Variants in PARP12 observed in about 807,000 individuals in gnomAD.
PARP12 encodes the protein protein mono-ADP-ribosyltransferase PARP12.
PARP12 carries 59 observed loss-of-function variants against 72.4 expected under a neutral mutation model. The observed-to-expected ratio is 0.81, with a 90% confidence interval of 0.66 to 1.01. The LOEUF is 1.01. Among genes scored for constraint, PARP12 ranks in the 50% least tolerant of loss-of-function variants. PARP12 has a pLI of 0.00. For missense variants in PARP12, 851 were observed against 914.0 expected, an observed-to-expected ratio of 0.93 and a Z score of 0.89; for synonymous variants, 403 against 371.4, an observed-to-expected ratio of 1.09 and a Z score of -0.98.
rs375158280 is a variant in PARP12 at position 140,054,747 on chromosome 7, T to C, written c.777A>G (p.Ser259=). Residue 259 remains serine, a synonymous_variant, in exon 4 of 12, where the codon TCA becomes TCG. Coordinates refer to ENST00000263549, the MANE Select transcript of PARP12 (RefSeq NM_022750.4). ...TAAGAGTGTTTGGGGACACAGAACCTGAACTGTCTTTTCTTTCTGCAAAGA... is the reference window on the plus strand; with the variant it reads ...TAAGAGTGTTTGGGGACACAGAACCCGAACTGTCTTTTCTTTCTGCAAAGA... ...PQGTSERKDS[S]GSVSPNTLSQ... 2.5e-6 allele frequency: 4 copies of C among 1,613,322 alleles called. No individual in the cohort carries two copies. The highest frequency in any genetic ancestry group is 2.5e-6 in the Non-Finnish European group (3 of 1,179,204).
rs555315789 is a variant in PARP12 at position 140,062,477 on chromosome 7, C to G, written c.326+45G>C. 6,710 of 1,495,188 alleles carry G rather than the reference C, an allele frequency of 4.5e-3. 263 individuals carry two copies. The African/African-American group carries it at 0.084, about 19-fold the overall frequency. The allele number at this position is 1,495,188 out of a possible 1,614,324, so 92.6% of individuals were successfully genotyped here. On this transcript the variant is annotated intron_variant, in intron 1 of 11. Transcript: ENST00000263549. Reference sequence around the variant, plus strand: ...CAAGCGGGCTGGAAGTGCGTGAGGGCGCGCAGGACCTCCGCCCGCCGTCGC... The same window carrying G: ...CAAGCGGGCTGGAAGTGCGTGAGGGGGCGCAGGACCTCCGCCCGCCGTCGC...
At position 140,054,529 on chromosome 7, in the gene PARP12, G is replaced by A. The variant is rs1320733089; in HGVS notation, c.862+133C>T. The A allele has an allele frequency of 1.2e-5, 8 of 678,576 alleles. No homozygotes were observed. In the South Asian group the frequency reaches 1.5e-4, roughly 12 times the overall value. 42.0% of individuals were successfully genotyped at this position (678,576 alleles called of 1,614,324 possible). Reference sequence around the variant, plus strand: ...ACAAAATACCTTCAGAATTGGTTTGGCCAAAGTGCCAAGCCCTGATCCTCT... The same window carrying A: ...ACAAAATACCTTCAGAATTGGTTTGACCAAAGTGCCAAGCCCTGATCCTCT... On this transcript the variant is annotated intron_variant, in intron 4 of 11. Transcript: ENST00000263549.
chr7:140,059,417 T>A (rs1817351535), intron 1 of PARP12, among the ~76,000 whole-genome samples: 1 of 151,294 alleles, frequency 6.6e-6, no homozygotes, highest in East Asian at 1.9e-4. Context: ...TTTTTTTTGC[T>A]CTCTTCCTCC....
At chr7:140,025,546 T>C in intron 11 of PARP12, 1 of 455,534 alleles carries the variant, frequency 2.2e-6, no homozygotes. Context: ...TCTTGGGATG[T>C]GTTAAAGGGT....
At chr7:140,038,517 T>C (rs1036450833) in intron 6 of PARP12, among the ~76,000 whole-genome samples, 1 of 152,120 alleles carries the variant, frequency 6.6e-6, no homozygotes, top group South Asian at 2.1e-4. Context: ...ACTTAGGCCA[T>C]ATTCATCCCT....
intron 1 of PARP12, among the ~76,000 whole-genome samples, chr7:140,061,895 G>A (rs1479324380): frequency 6.6e-6 from 1 of 150,406 alleles, no homozygotes; most frequent in Non-Finnish European, 1.5e-5. Flanking sequence ...GAGGCCTGAA[G>A]GATTAACAAA....
At chr7:140,032,740 T>C (rs1815988421) in intron 8 of PARP12, among the ~76,000 whole-genome samples, 1 of 152,188 alleles carries the variant, frequency 6.6e-6, no homozygotes, top group Non-Finnish European at 1.5e-5. Flanking sequence ...TGTTCCCTTT[T>C]GTGCAAGAAG....
chr7:140,031,765 G>A (rs983614016), intron 8 of PARP12, among the ~76,000 whole-genome samples: 8 of 152,188 alleles, frequency 5.3e-5, no homozygotes, highest in Non-Finnish European at 1.0e-4. Flanking sequence ...AGAAAGCAGA[G>A]AGACTTTTCC....
Position 140,024,775 on chromosome 7 carries a change from T to C in PARP12, c.1891A>G (p.Asn631Asp). ...GCCGGCGGACGGACAAAGGAGGCAT[T>C]GCCCCTGACGAACTCGCCCACCAGC... is the stretch of plus-strand genomic sequence containing the variant. Reference protein sequence around the residue: ...RVLVGEFVRGNASFVRPPAKE... With the variant: ...RVLVGEFVRGDASFVRPPAKE... The change falls in exon 12 of 12, where the codon AAT becomes GAT. Residue 631 changes from asparagine to aspartate, a missense_variant. Coordinates refer to ENST00000263549, the MANE Select transcript of PARP12 (RefSeq NM_022750.4). 6.2e-7 allele frequency: 1 copy of C among 1,614,170 alleles called. No homozygotes were observed. The highest frequency in any genetic ancestry group is 1.1e-5 in the South Asian group (1 of 91,076).
intron 5 of PARP12, among the ~76,000 whole-genome samples, chr7:140,042,351 G>A (rs962204757): frequency 2.0e-5 from 3 of 152,244 alleles, no homozygotes; most frequent in Non-Finnish European, 4.4e-5. Context: ...CAGCGGGCGA[G>A]CTGGGCTTTC....
At chr7:140,060,854 G>C (rs1817415445) in intron 1 of PARP12, among the ~76,000 whole-genome samples, 1 of 152,120 alleles carries the variant, frequency 6.6e-6, no homozygotes, top group African/African-American at 2.4e-5. Context: ...TCCTGGGGCT[G>C]CAACTACAAC....
chr7:140,041,198 C>T (rs957373997), intron 6 of PARP12, among the ~76,000 whole-genome samples: 1 of 152,208 alleles, frequency 6.6e-6, no homozygotes, highest in East Asian at 1.9e-4. Flanking sequence ...TGATATAAAT[C>T]AATTTTCTTA....
At position 140,051,059 on chromosome 7, in the gene PARP12, G is replaced by A. The variant is rs552967420; in HGVS notation, c.862+3603C>T. Among the ~76,000 whole-genome samples, 8 of 152,236 alleles carry A rather than the reference G, an allele frequency of 5.3e-5. No homozygotes were observed. In the South Asian group the frequency reaches 1.7e-3, roughly 32 times the overall value. On this transcript the variant is annotated intron_variant, in intron 4 of 11. Coordinates refer to ENST00000263549, the MANE Select transcript of PARP12 (RefSeq NM_022750.4). ...CCTTCATCTGTAGTCATCAGGAGCTGGGGGGAGGGAAGACTGCTAATGAAG... is the reference window on the plus strand; with the variant it reads ...CCTTCATCTGTAGTCATCAGGAGCTAGGGGGAGGGAAGACTGCTAATGAAG...
Position 140,054,739 on chromosome 7 carries a change from A to G in PARP12, c.785T>C (p.Val262Ala). 6.2e-7 allele frequency: 1 copy of G among 1,613,786 alleles called. No individual in the cohort carries two copies. The highest frequency in any genetic ancestry group is 1.3e-5 in the African/African-American group (1 of 75,042). Residue 262 changes from valine (V) to alanine (A), a missense_variant, in exon 4 of 12, where the codon GTG becomes GCG. This residue lies in a region of PARP12 where 492 missense variants were observed against 489.3 expected (regional missense o/e 1.01). Coordinates refer to ENST00000263549, the MANE Select transcript of PARP12 (RefSeq NM_022750.4). ...TSERKDSSGS[V>A]SPNTLSQEEG... ...CTCCTGGCTAAGAGTGTTTGGGGAC[A>G]CAGAACCTGAACTGTCTTTTCTTTC...
chr7:140,035,953 C>CGAG (rs1168464370), intron 7 of PARP12, among the ~76,000 whole-genome samples: 3 of 20,994 alleles, frequency 1.4e-4, no homozygotes, highest in African/African-American at 7.3e-4. Context: ...AGGAGGAGGA[C>CGAG]GAGGAGGAGG....
At chr7:140,052,795 A>G (rs558684385) in intron 4 of PARP12, among the ~76,000 whole-genome samples, 1 of 151,640 alleles carries the variant, frequency 6.6e-6, no homozygotes, top group South Asian at 2.1e-4. Flanking sequence ...AAAATAGGCA[A>G]AAGATTTGAG....
At chr7:140,057,808 GC>G in intron 2 of PARP12, 90 bp downstream of exon 2, 2 of 1,530,962 alleles carry the variant, frequency 1.3e-6, no homozygotes, top group Non-Finnish European at 1.8e-6. Context: ...ATCACCAAGG[GC>G]CCACCCATTC....
At position 140,024,230 on chromosome 7, in the gene PARP12, T is replaced by G; in HGVS notation, c.*330A>C. 2.8e-6 allele frequency: 1 copy of G among 352,520 alleles called. No individual in the cohort carries two copies. The highest frequency in any genetic ancestry group is 5.5e-6 in the Non-Finnish European group (1 of 182,948). 21.8% of individuals were successfully genotyped at this position (352,520 alleles called of 1,614,324 possible). A position where few individuals can be genotyped will look rare whatever the true frequency, so the allele number is the denominator to read the frequency against. The stretch of plus-strand genomic sequence containing the variant: ...ACTGCAGAGACAAACTCATAAAAAT[T>G]AAAACCAATCCATAAAATTGTATCT... On this transcript the variant is annotated 3_prime_UTR_variant, in exon 12 of 12. Transcript: ENST00000263549.
rs374504510 is a variant in PARP12 at position 140,027,439 on chromosome 7, A to G, written c.1498-33T>C. On this transcript the variant is annotated intron_variant, in intron 9 of 11. Transcript: ENST00000263549. ...GGGCAAATGTTTTTAATGCATTACC[A>G]TCAACGTGCAGAATATAAATCAGTC... 28 of 1,610,058 alleles carry G rather than the reference A, an allele frequency of 1.7e-5. No homozygotes were observed. The African/African-American group carries it at 3.3e-4, about 19-fold the overall frequency.
Sources: allele counts gnomAD v4.1 joint callset (sites outside exome capture counted in the v4.1 genomes callset), GRCh38; gene constraint gnomAD v4.1.1; regional missense constraint gnomAD v4.1.1; transcripts MANE v1.5; gene names NCBI Gene and HGNC (gene_info 2026-07-23, HGNC 2026-07-21).